The following LMO7 variants were observed in gnomAD, a reference collection of about 807,000 sequenced individuals.
The protein encoded by LMO7 is LIM domain 7.
Under a neutral mutation model 206.5 loss-of-function variants are expected in LMO7, and 120 were observed. That is an observed-to-expected ratio of 0.58 (90% CI 0.50 to 0.68). The LOEUF is 0.68. Ranked by LOEUF, LMO7 falls within the 30% of genes least tolerant of loss-of-function variation. The pLI, the probability that LMO7 is intolerant of heterozygous loss-of-function variation, is 0.00. For synonymous variants in LMO7, 706 were observed against 681.5 expected (o/e 1.04, Z -0.56); for missense variants, 1,959 against 1,957.9 (o/e 1.00, Z -0.01).
chr13:75,666,399 A>AT (rs1324299991), intron 1 of LMO7, among the ~76,000 whole-genome samples: 1 of 152,186 alleles, frequency 6.6e-6, no homozygotes, highest in African/African-American at 2.4e-5. Flanking sequence ...CAATGTCCTA[A>AT]TTCTTTGTTT....
At chr13:75,658,453 CCAATT>C (rs1399775126) in intron 1 of LMO7, among the ~76,000 whole-genome samples, 6 of 151,898 alleles carry the variant, frequency 4.0e-5, no homozygotes, top group Admixed American at 6.6e-5. Context: ...TCTTTATTTT[CCAATT>C]CTTCTTTAAT....
intron 4 of LMO7, among the ~76,000 whole-genome samples, chr13:75,792,448 G>A (rs1389562339): frequency 2.0e-5 from 3 of 152,214 alleles, no homozygotes; most frequent in Non-Finnish European, 4.4e-5. Flanking sequence ...CATGGTATCA[G>A]ACCATGTCAA....
chr13:75,720,764 A>G (rs1423651447), intron 2 of LMO7, among the ~76,000 whole-genome samples: 2 of 152,208 alleles, frequency 1.3e-5, no homozygotes, highest in African/African-American at 4.8e-5. Context: ...GCTGTTGCAC[A>G]CACTTTCCCA....
chr13:75,648,012 A>C (rs900621742), intron 1 of LMO7, among the ~76,000 whole-genome samples: 2 of 131,886 alleles, frequency 1.5e-5, no homozygotes, highest in Admixed American at 9.2e-5. Flanking sequence ...TGGTGCAGCA[A>C]TCATAGCTGA....
At chr13:75,714,771 A>G (rs933920342) in intron 2 of LMO7, among the ~76,000 whole-genome samples, 3 of 152,178 alleles carry the variant, frequency 2.0e-5, no homozygotes, top group Non-Finnish European at 4.4e-5. Context: ...TCTTAATTTG[A>G]AAACAGTATG....
chr13:75,698,952 A>T, intron 1 of LMO7, among the ~76,000 whole-genome samples: 1 of 152,210 alleles, frequency 6.6e-6, no homozygotes, highest in Non-Finnish European at 1.5e-5. Flanking sequence ...ACATGTATTC[A>T]TTAGCAGTCA....
intron 4 of LMO7, among the ~76,000 whole-genome samples, chr13:75,792,495 T>C (rs939802917): frequency 6.6e-6 from 1 of 152,196 alleles, no homozygotes; most frequent in Non-Finnish European, 1.5e-5. Flanking sequence ...TTATCCAACT[T>C]TGGAGCTAAG....
At position 75,699,449 on chromosome 13, in the gene LMO7, C is replaced by T. The variant is rs186678893; in HGVS notation, c.70-13733C>T. 5.0e-4 allele frequency among the ~76,000 whole-genome samples: 75 copies of T among 150,128 alleles called. 1 individual carries two copies. The East Asian group carries it at 0.014, about 27-fold the overall frequency. On this transcript the variant is annotated intron_variant, in intron 1 of 30. Coordinates refer to ENST00000377534, the MANE Select transcript of LMO7 (RefSeq NM_001306080.2). ...CTGTAGTATCAAGGGAACCAGCCCC[C>T]AATATTTCAATGTAGGTTATTTTCT... is the stretch of plus-strand genomic sequence containing the variant.
intron 6 of LMO7, among the ~76,000 whole-genome samples, chr13:75,797,821 C>G (rs2054228347): frequency 6.6e-6 from 1 of 152,144 alleles, no homozygotes; most frequent in Admixed American, 6.5e-5. Context: ...GTCAATAACG[C>G]TGTATTCAAA....
At chr13:75,684,323 A>C (rs990271071) in intron 1 of LMO7, among the ~76,000 whole-genome samples, 5 of 151,990 alleles carry the variant, frequency 3.3e-5, no homozygotes, top group African/African-American at 4.8e-5. Context: ...GCTCACTGCA[A>C]CCTCCGCCTC....
chr13:75,790,369 A>G (rs1413112753), intron 4 of LMO7, among the ~76,000 whole-genome samples: 1 of 152,084 alleles, frequency 6.6e-6, no homozygotes, highest in African/African-American at 2.4e-5. Flanking sequence ...TTCCCATTTT[A>G]CAGGTGAGGC....
At position 75,841,827 on chromosome 13, in the gene LMO7, T is replaced by C; in HGVS notation, c.3875T>C (p.Ile1292Thr). 3 of 1,614,014 alleles carry C rather than the reference T, an allele frequency of 1.9e-6. No individual in the cohort carries two copies. Among genetic ancestry groups the C allele is most frequent in the East Asian group, 2.2e-5 (1 of 44,880 alleles). Residue 1292 changes from isoleucine (I) to threonine (T), a missense_variant, in exon 24 of 31, where the codon ATT (isoleucine) becomes ACT (threonine). By Grantham distance (89) the Ile-to-Thr change is moderately conservative. Coordinates refer to ENST00000377534, the MANE Select transcript of LMO7 (RefSeq NM_001306080.2). ...AAGAAGCCGCAGGATCAGCTTGTTA[T>C]TGAGAGAGAGAGGAAATGGGAGCAA... ...QGKKPQDQLV[I>T]ERERKWEQQL... is the part of the protein sequence containing the mutation.
chr13:75,657,473 G>A (rs9593110), intron 1 of LMO7, among the ~76,000 whole-genome samples: 1,669 of 152,176 alleles, frequency 0.011, 38 homozygotes, highest in African/African-American at 0.037. Flanking sequence ...AGCCAGCAAA[G>A]GAACACCTGA....
chr13:75,745,348 C>T (rs2046750057), intron 3 of LMO7, among the ~76,000 whole-genome samples: 1 of 152,122 alleles, frequency 6.6e-6, no homozygotes, highest in Non-Finnish European at 1.5e-5. Context: ...GAAGGATGCA[C>T]ATATTTGTGA....
chr13:75,723,600 G>A (rs966783859), intron 2 of LMO7, among the ~76,000 whole-genome samples: 1 of 152,146 alleles, frequency 6.6e-6, no homozygotes, highest in Admixed American at 6.6e-5. Context: ...TTATAACTGA[G>A]CCAGACATTA....
intron 3 of LMO7, among the ~76,000 whole-genome samples, chr13:75,737,685 G>C (rs1396359555): frequency 7.4e-6 from 1 of 135,204 alleles, no homozygotes; most frequent in African/African-American, 2.8e-5. Context: ...CCTGGGAGGC[G>C]GAGCTTGCAG....
chr13:75,647,767 C>T (rs1168858566), intron 1 of LMO7, among the ~76,000 whole-genome samples: 1 of 151,870 alleles, frequency 6.6e-6, no homozygotes, highest in African/African-American at 2.4e-5. Context: ...CATCAGAGGC[C>T]CATCTCATGC....
At chr13:75,737,855 A>AAC (rs1555305882) in intron 3 of LMO7, among the ~76,000 whole-genome samples, 2 of 145,962 alleles carry the variant, frequency 1.4e-5, no homozygotes, top group Admixed American at 6.8e-5. Flanking sequence ...AAAAAAAAAA[A>AAC]AAAAAAAAAC....
intron 4 of LMO7, among the ~76,000 whole-genome samples, chr13:75,773,857 T>C (rs1566428365): frequency 1.3e-5 from 2 of 152,166 alleles, no homozygotes; most frequent in Non-Finnish European, 2.9e-5. Flanking sequence ...AGTCCAGCTC[T>C]GAGGAAGTGA....
Sources: allele counts gnomAD v4.1 joint callset (sites outside exome capture counted in the v4.1 genomes callset), GRCh38; gene constraint gnomAD v4.1.1; transcripts MANE v1.5; gene names NCBI Gene and HGNC (gene_info 2026-07-23, HGNC 2026-07-21).